The following NR6A1 variants were observed in gnomAD, a reference collection of about 807,000 sequenced individuals.
NR6A1 encodes the protein nuclear receptor subfamily 6 group A member 1.
A neutral mutation model predicts 59.1 loss-of-function variants in NR6A1; 7 were observed. The ratio of observed to expected loss-of-function variants is 0.12; its 90% CI spans 0.07 to 0.22. The LOEUF (loss-of-function observed/expected upper bound fraction) is 0.22. NR6A1 is among the 10% of genes least tolerant of loss of function. NR6A1 has a pLI of 1.00. For missense variants in NR6A1, 468 were observed against 611.6 expected, an observed-to-expected ratio of 0.77 and a Z score of 2.48; for synonymous variants, 243 against 236.1, an observed-to-expected ratio of 1.03 and a Z score of -0.27.
At chr9:124,596,557 A>C (rs1023613171) in intron 2 of NR6A1, among the ~76,000 whole-genome samples, 1 of 152,364 alleles carries the variant, frequency 6.6e-6, no homozygotes, top group African/African-American at 2.4e-5. Context: ...TTTACAAAGC[A>C]AAAGTTACTA....
chr9:124,611,532 T>C (rs1835742684), intron 2 of NR6A1, among the ~76,000 whole-genome samples: 2 of 151,936 alleles, frequency 1.3e-5, no homozygotes. Flanking sequence ...GGCCAGAAGT[T>C]TGAGACCAGC....
chr9:124,653,266 G>T (rs1837155263), intron 2 of NR6A1, among the ~76,000 whole-genome samples: 1 of 151,106 alleles, frequency 6.6e-6, no homozygotes, highest in African/African-American at 2.4e-5. Context: ...TGAGTAGCTT[G>T]CAAGTAACTT....
intron 2 of NR6A1, among the ~76,000 whole-genome samples, chr9:124,686,706 T>C (rs572479968): frequency 1.5e-5 from 2 of 129,698 alleles, no homozygotes; most frequent in East Asian, 3.9e-4. Context: ...TTAAAAGTCT[T>C]TTTTTTTTTT....
intron 2 of NR6A1, among the ~76,000 whole-genome samples, chr9:124,660,058 G>A (rs577399894): frequency 6.4e-4 from 97 of 152,248 alleles, no homozygotes; most frequent in African/African-American, 2.3e-3. Flanking sequence ...GTATTTTAAA[G>A]GGTTGTTTTC....
chr9:124,692,369 A>AGAGGAAT (rs1204467574), intron 2 of NR6A1: 2 of 404,454 alleles, frequency 4.9e-6, no homozygotes, highest in Admixed American at 5.1e-5. Context: ...TGAAACCCAG[A>AGAGGAAT]GAGGAATGTA....
At chr9:124,642,597 C>CA (rs1406186133) in intron 2 of NR6A1, among the ~76,000 whole-genome samples, 1 of 152,044 alleles carries the variant, frequency 6.6e-6, no homozygotes, top group African/African-American at 2.4e-5. Flanking sequence ...TCGTGACAAC[C>CA]AAAAAATGTC....
chr9:124,765,245 T>G (rs543397065), intron 1 of NR6A1, among the ~76,000 whole-genome samples: 2 of 152,334 alleles, frequency 1.3e-5, no homozygotes, highest in African/African-American at 4.8e-5. Flanking sequence ...TTGCATAACT[T>G]TATTTGTCCC....
chr9:124,588,088 G>A (rs1339615621), intron 2 of NR6A1, among the ~76,000 whole-genome samples: 1 of 152,102 alleles, frequency 6.6e-6, no homozygotes, highest in Non-Finnish European at 1.5e-5. Flanking sequence ...AAGACTAATG[G>A]TTAGTGAAAC....
At chr9:124,633,908 C>T (rs1369955755) in intron 2 of NR6A1, among the ~76,000 whole-genome samples, 1 of 152,062 alleles carries the variant, frequency 6.6e-6, no homozygotes, top group Non-Finnish European at 1.5e-5. Context: ...TTCATTGCAG[C>T]CATATACAAT....
At chr9:124,670,019 A>G (rs1837740754) in intron 2 of NR6A1, among the ~76,000 whole-genome samples, 1 of 152,186 alleles carries the variant, frequency 6.6e-6, no homozygotes, top group Non-Finnish European at 1.5e-5. Context: ...AAGTAGAATA[A>G]AGACTTTAAA....
chr9:124,759,699 A>G (rs913691836), intron 1 of NR6A1, among the ~76,000 whole-genome samples: 5 of 152,168 alleles, frequency 3.3e-5, no homozygotes, highest in Non-Finnish European at 7.3e-5. Flanking sequence ...GGTTCACCGA[A>G]GATTGTCCCT....
chr9:124,538,350 C>A, intron 5 of NR6A1, 31 bp from the exon 6 acceptor site: 1 of 1,552,600 alleles, frequency 6.4e-7, no homozygotes, highest in Non-Finnish European at 8.9e-7. Context: ...TCAAACAGAG[C>A]CATGGCAAGT....
chr9:124,529,445 C>T (rs565153922), intron 7 of NR6A1, among the ~76,000 whole-genome samples: 1 of 152,220 alleles, frequency 6.6e-6, no homozygotes, highest in African/African-American at 2.4e-5. Context: ...TGGAAGGATA[C>T]ATAGTAAGTA....
chr9:124,630,892 C>T (rs1305114931), intron 2 of NR6A1, among the ~76,000 whole-genome samples: 1 of 151,446 alleles, frequency 6.6e-6, no homozygotes, highest in African/African-American at 2.4e-5. Context: ...TGGTCAGGCT[C>T]GAACTCCTGA....
At chr9:124,536,330 G>A (rs1414757281) in intron 6 of NR6A1, among the ~76,000 whole-genome samples, 198 bp from the exon 7 acceptor site, 1 of 152,128 alleles carries the variant, frequency 6.6e-6, no homozygotes, top group East Asian at 1.9e-4. Flanking sequence ...TTCAGGGCTG[G>A]AGAGGCGGGT....
At chr9:124,595,261 A>T (rs776574101) in intron 2 of NR6A1, among the ~76,000 whole-genome samples, 2 of 152,230 alleles carry the variant, frequency 1.3e-5, no homozygotes, top group Non-Finnish European at 2.9e-5. Context: ...CTTATATCCC[A>T]AACTGTAAAG....
In NR6A1 at chr9:124,522,806, G is replaced by T. The variant is rs373264185; in HGVS notation, c.1355-13C>A. Reference sequence around the variant, plus strand: ...TTCACCATCTTTCCTGGGAACAAGGGGGGAGAAGAAGAGTTAGCAGTGGTC... The same window carrying T: ...TTCACCATCTTTCCTGGGAACAAGGTGGGAGAAGAAGAGTTAGCAGTGGTC... On this transcript the variant is annotated splice_polypyrimidine_tract_variant and intron_variant, in intron 9 of 9. Coordinates refer to ENST00000487099, the MANE Select transcript of NR6A1 (RefSeq NM_033334.4). 38 of 1,569,974 alleles carry T rather than the reference G, an allele frequency of 2.4e-5. No homozygotes were observed. Among genetic ancestry groups the T allele is most frequent in the African/African-American group, 2.7e-5 (2 of 73,782 alleles).
intron 2 of NR6A1, among the ~76,000 whole-genome samples, chr9:124,732,249 C>A (rs892639337): frequency 1.3e-5 from 2 of 152,168 alleles, no homozygotes; most frequent in South Asian, 4.1e-4. Context: ...GGCAAAGAGC[C>A]AGCCGTAACA....
chr9:124,770,091 G>A (rs1010191717), intron 1 of NR6A1: 1 of 152,316 alleles, frequency 6.6e-6, no homozygotes, highest in African/African-American at 2.4e-5. Context: ...CCAGGTGAGG[G>A]ATTCTCAGCT....
Sources: allele counts gnomAD v4.1 joint callset (sites outside exome capture counted in the v4.1 genomes callset), GRCh38; gene constraint gnomAD v4.1.1; transcripts MANE v1.5; gene names NCBI Gene and HGNC (gene_info 2026-07-23, HGNC 2026-07-21).